JAK2: variants seen among roughly 807,000 people sequenced by gnomAD.
JAK2 encodes the protein Janus kinase 2, also known as tyrosine-protein kinase JAK2.
Under a neutral mutation model 139.3 loss-of-function variants are expected in JAK2, and 86 were observed. The ratio of observed to expected loss-of-function variants is 0.62; its 90% CI spans 0.52 to 0.74. The LOEUF is 0.74. JAK2 is among the 30% of genes least tolerant of loss of function. JAK2 has a pLI of 0.00. For synonymous variants in JAK2, 490 were observed against 437.7 expected (o/e 1.12, Z -1.49); for missense variants, 1,421 against 1,360.3 (o/e 1.04, Z -0.70).
At chr9:5,050,548 G>A (rs1817343365) in intron 5 of JAK2, 138 bp from the exon 6 acceptor site, 1 of 798,028 alleles carries the variant, frequency 1.3e-6, no homozygotes. Flanking sequence ...TGGGATTACA[G>A]GCATGAGCCA....
chr9:5,123,148 G>A (rs767300844), intron 23 of JAK2, 27 bp downstream of exon 23: 71 of 1,451,714 alleles, frequency 4.9e-5, no homozygotes, highest in Non-Finnish European at 6.3e-5. Context: ...TTTACTTTCA[G>A]TTTTTTGTTT....
intron 4 of JAK2, among the ~76,000 whole-genome samples, chr9:5,032,770 G>T (rs1290318190): frequency 6.6e-6 from 1 of 152,032 alleles, no homozygotes; most frequent in Non-Finnish European, 1.5e-5. Context: ...AAAGACAAAA[G>T]GTAGATAAAA....
At chr9:4,998,072 A>G (rs1022276884) in intron 2 of JAK2, among the ~76,000 whole-genome samples, 4 of 152,184 alleles carry the variant, frequency 2.6e-5, no homozygotes, top group African/African-American at 9.7e-5. Flanking sequence ...ATTTTTTTGA[A>G]TATCAATAGC....
At chr9:5,112,824 C>G in intron 22 of JAK2, 1 of 555,994 alleles carries the variant, frequency 1.8e-6, no homozygotes, top group Non-Finnish European at 2.9e-6. Flanking sequence ...TTGAGTGAAG[C>G]CCACAACCCC....
chr9:5,042,160 TCG>T (rs1816614218), intron 4 of JAK2, among the ~76,000 whole-genome samples: 1 of 143,814 alleles, frequency 7.0e-6, no homozygotes, highest in Non-Finnish European at 1.5e-5. Flanking sequence ...AGACGGAGTC[TCG>T]CTTTGTCGCC....
chr9:5,118,696 A>G (rs1407810912), intron 22 of JAK2, among the ~76,000 whole-genome samples: 4 of 152,238 alleles, frequency 2.6e-5, no homozygotes, highest in Non-Finnish European at 4.4e-5. Context: ...AAGTGAGTGG[A>G]CAGGAATGGA....
At chr9:5,110,097 C>T (rs1033575465) in intron 22 of JAK2, 3 of 152,162 alleles carry the variant, frequency 2.0e-5, no homozygotes, top group African/African-American at 7.2e-5. Flanking sequence ...TAATCCCCTT[C>T]CATTAATTCG....
chr9:5,039,490 AGATTTTG>A (rs1189866396), intron 4 of JAK2, among the ~76,000 whole-genome samples: 4 of 152,172 alleles, frequency 2.6e-5, no homozygotes, highest in Non-Finnish European at 4.4e-5. Flanking sequence ...GAGTATTTGC[AGATTTTG>A]GTATGTGTGG....
At chr9:5,038,967 T>TA (rs923172427) in intron 4 of JAK2, among the ~76,000 whole-genome samples, 3 of 151,998 alleles carry the variant, frequency 2.0e-5, no homozygotes, top group Non-Finnish European at 4.4e-5. Context: ...CCCATCATTA[T>TA]AAAAAAACTC....
At chr9:4,986,348 C>T (rs1329633336) in intron 2 of JAK2, among the ~76,000 whole-genome samples, 1 of 152,170 alleles carries the variant, frequency 6.6e-6, no homozygotes, top group African/African-American at 2.4e-5. Context: ...TATTTCCAAG[C>T]AATAAGAGAT....
intron 2 of JAK2, among the ~76,000 whole-genome samples, chr9:5,004,623 A>G (rs1025404983): frequency 6.6e-6 from 1 of 151,978 alleles, no homozygotes; most frequent in Non-Finnish European, 1.5e-5. Context: ...GCTTTGACAT[A>G]TTATTTTTAG....
At chr9:5,045,039 A>G (rs1816903047) in intron 5 of JAK2, among the ~76,000 whole-genome samples, 1 of 152,230 alleles carries the variant, frequency 6.6e-6, no homozygotes, top group African/African-American at 2.4e-5. Context: ...GTTCACTAAT[A>G]CAGTTATGTC....
intron 18 of JAK2, 146 bp downstream of exon 18, chr9:5,080,829 G>A (rs1023826291): frequency 1.5e-5 from 7 of 477,136 alleles, no homozygotes; most frequent in African/African-American, 8.3e-5. Context: ...GGCTTTTCAT[G>A]CTTTATACAT....
intron 1 of JAK2, among the ~76,000 whole-genome samples, 154 bp from the exon 2 acceptor site, chr9:4,985,786 C>T (rs772996104): frequency 3.9e-5 from 6 of 152,186 alleles, no homozygotes; most frequent in African/African-American, 7.2e-5. Context: ...ACGAGTCTTG[C>T]TGGTGATATT....
intron 2 of JAK2, among the ~76,000 whole-genome samples, chr9:4,997,157 C>A (rs1036325259): frequency 5.3e-5 from 8 of 151,926 alleles, no homozygotes; most frequent in African/African-American, 1.9e-4. Flanking sequence ...GTCTTGAACT[C>A]CTGGGCTCCA....
rs537350388 is a variant in JAK2 at position 5,107,774 on chromosome 9, A to G, written c.3060-15230A>G. 1.2e-4 allele frequency among the ~76,000 whole-genome samples: 18 copies of G among 152,248 alleles called. No homozygotes were observed. In the South Asian group the frequency reaches 1.9e-3, roughly 16 times the overall value. The stretch of plus-strand genomic sequence containing the variant: ...GTCAATATTTATCATAATTACCCTT[A>G]TAACTTTAAATATACATTTTACTCT... On this transcript the variant is annotated intron_variant, in intron 22 of 24. Coordinates refer to ENST00000381652, the MANE Select transcript of JAK2 (RefSeq NM_004972.4).
Position 5,073,749 on chromosome 9 carries a change from G to C in JAK2, c.1828G>C (p.Val610Leu), listed in dbSNP as rs976074606. Residue 610 changes from valine (V) to leucine (L), a missense_variant, in exon 14 of 25, where the codon GTT (valine) becomes CTT (leucine). Physicochemically the swap from Val to Leu is conservative, Grantham distance 32. Coordinates refer to ENST00000381652, the MANE Select transcript of JAK2 (RefSeq NM_004972.4). ...GAGCAAGCTTTCTCACAAGCATTTG[G>C]TTTTAAATTATGGAGTATGTGTCTG... ...MMSKLSHKHL[V>L]LNYGVCVCGD... The C allele has an allele frequency of 1.9e-6, 3 of 1,612,288 alleles. 1 individual carries two copies. Among genetic ancestry groups the C allele is most frequent in the Admixed American group, 1.7e-5 (1 of 59,954 alleles).
chr9:5,049,087 T>A (rs1204933418), intron 5 of JAK2, among the ~76,000 whole-genome samples: 1 of 152,196 alleles, frequency 6.6e-6, no homozygotes, highest in Non-Finnish European at 1.5e-5. Flanking sequence ...TTAATAAAGT[T>A]ATCAGCCTTT....
intron 4 of JAK2, among the ~76,000 whole-genome samples, chr9:5,032,410 G>T (rs929920716): frequency 1.3e-5 from 2 of 152,250 alleles, no homozygotes; most frequent in African/African-American, 4.8e-5. Context: ...GGTTCTCCCA[G>T]AATGCAGCTG....
Sources: gnomAD v4.1 joint callset for allele counts (sites outside exome capture counted in the v4.1 genomes callset) on GRCh38, gnomAD v4.1.1 for gene constraint, MANE v1.5 for transcripts, NCBI Gene and HGNC (gene_info 2026-07-23, HGNC 2026-07-21) for gene names.